KCNIP4: variants seen among roughly 807,000 people sequenced by gnomAD.
KCNIP4 encodes potassium voltage-gated channel interacting protein 4.
In KCNIP4, 12 loss-of-function variants were observed where a neutral mutation model predicts 34.0. The observed-to-expected ratio is 0.35, with a 90% confidence interval of 0.23 to 0.57. KCNIP4 has a LOEUF of 0.57. Ranked by LOEUF, KCNIP4 falls within the 20% of genes least tolerant of loss-of-function variation. The probability of loss-of-function intolerance (pLI) is 0.83; values close to 1 mark genes in which losing one functional copy is unlikely to be tolerated. For synonymous variants in KCNIP4, 124 were observed against 102.2 expected (o/e 1.21, Z -1.29); for missense variants, 238 against 311.7 (o/e 0.76, Z 1.78).
At chr4:21,324,824 C>T (rs1714870504) in intron 1 of KCNIP4, among the ~76,000 whole-genome samples, 1 of 151,652 alleles carries the variant, frequency 6.6e-6, no homozygotes, top group South Asian at 2.1e-4. Flanking sequence ...ATAGGAATTG[C>T]ATCAAATCCA....
chr4:20,897,518 C>G (rs1347527874), intron 1 of KCNIP4, among the ~76,000 whole-genome samples: 16 of 152,100 alleles, frequency 1.1e-4, no homozygotes, highest in African/African-American at 4.8e-5. Flanking sequence ...TCCCTCCCCC[C>G]GCCACCCACA....
intron 1 of KCNIP4, among the ~76,000 whole-genome samples, chr4:21,238,571 T>A (rs1219488245): frequency 6.6e-6 from 1 of 152,112 alleles, no homozygotes; most frequent in Non-Finnish European, 1.5e-5. Flanking sequence ...TCACAAGCAT[T>A]CTTATACACC....
chr4:21,282,402 A>G (rs1270650752), intron 1 of KCNIP4, among the ~76,000 whole-genome samples: 1 of 152,106 alleles, frequency 6.6e-6, no homozygotes. Flanking sequence ...CTCTTTGCCA[A>G]AAGAGAAATA....
At position 21,910,882 on chromosome 4, in the gene KCNIP4, G is replaced by A. The variant is rs79616838; in HGVS notation, c.61+37689C>T. ...AAGTGATTAGTATTTTTAAGGGGCCGAGGCCATTCATTTACTATGATTTAC... is the reference window on the plus strand; with the variant it reads ...AAGTGATTAGTATTTTTAAGGGGCCAAGGCCATTCATTTACTATGATTTAC... On this transcript the variant is annotated intron_variant, in intron 1 of 8. Coordinates refer to ENST00000382152, the MANE Select transcript of KCNIP4 (RefSeq NM_025221.6). 5.7e-3 allele frequency among the ~76,000 whole-genome samples: 872 copies of A among 152,196 alleles called. 15 individuals carry two copies. In the East Asian group the frequency reaches 0.085, roughly 15 times the overall value.
chr4:21,422,444 G>T (rs932821094), intron 1 of KCNIP4, among the ~76,000 whole-genome samples: 3 of 151,974 alleles, frequency 2.0e-5, no homozygotes, highest in Admixed American at 6.6e-5. Flanking sequence ...CACGTGATCT[G>T]CCCTCTTCGC....
chr4:21,579,190 T>C (rs1670089586), intron 1 of KCNIP4, among the ~76,000 whole-genome samples: 1 of 152,110 alleles, frequency 6.6e-6, no homozygotes, highest in South Asian at 2.1e-4. Context: ...TAAACCAAGG[T>C]CACATCAGCA....
Position 21,329,585 on chromosome 4 carries a change from C to T in KCNIP4, c.62-446876G>A, listed in dbSNP as rs562668619. Among the ~76,000 whole-genome samples the T allele has an allele frequency of 3.3e-5, 5 of 152,234 alleles. No homozygotes were observed. In the East Asian group the frequency reaches 7.7e-4, roughly 24 times the overall value. On this transcript the variant is annotated intron_variant, in intron 1 of 8. Transcript: ENST00000382152. ...AAAACATCATCAGCAGTACAGAGAA[C>T]GGTATATGGTGCTATGGAATTCAGA...
intron 1 of KCNIP4, among the ~76,000 whole-genome samples, chr4:21,647,863 CTTTTTTTTTTTTTTTTTT>C (rs10539950): frequency 1.7e-5 from 1 of 60,198 alleles, no homozygotes; most frequent in African/African-American, 9.8e-5. Context: ...TACAATGATG[CTTTTTTTTTTTTTTTTTT>C]TTTTTTTTTT....
intron 1 of KCNIP4, among the ~76,000 whole-genome samples, chr4:21,820,703 C>T (rs1470162054): frequency 6.6e-6 from 1 of 152,096 alleles, no homozygotes; most frequent in South Asian, 2.1e-4. Context: ...GATAATTTCA[C>T]ATTTGCATCA....
intron 1 of KCNIP4, among the ~76,000 whole-genome samples, chr4:21,501,564 CA>C (rs1157957730): frequency 6.6e-6 from 1 of 151,936 alleles, no homozygotes; most frequent in African/African-American, 2.4e-5. Flanking sequence ...GCGAGATGAA[CA>C]AAAAGGTTTT....
intron 5 of KCNIP4, among the ~76,000 whole-genome samples, chr4:20,743,454 G>A: frequency 6.6e-6 from 1 of 152,120 alleles, no homozygotes. Context: ...AGAGCCCTCG[G>A]AAATAATACC....
chr4:21,857,359 C>T (rs1184093578), intron 1 of KCNIP4, among the ~76,000 whole-genome samples: 1 of 152,002 alleles, frequency 6.6e-6, no homozygotes, highest in Non-Finnish European at 1.5e-5. Context: ...CTATGCATGC[C>T]AGGGTCTCCT....
intron 1 of KCNIP4, among the ~76,000 whole-genome samples, chr4:21,329,872 C>G (rs562009564): frequency 6.6e-6 from 1 of 152,150 alleles, no homozygotes; most frequent in Non-Finnish European, 1.5e-5. Context: ...ATAAAAACAA[C>G]CTAAAAATGT....
intron 1 of KCNIP4, among the ~76,000 whole-genome samples, chr4:20,939,763 G>A (rs760714662): frequency 6.6e-6 from 1 of 152,052 alleles, no homozygotes; most frequent in Non-Finnish European, 1.5e-5. Context: ...CACCCACACT[G>A]GAAGCATCTT....
At chr4:21,453,534 A>T (rs150770503) in intron 1 of KCNIP4, among the ~76,000 whole-genome samples, 1 of 152,024 alleles carries the variant, frequency 6.6e-6, no homozygotes, top group African/African-American at 2.4e-5. Context: ...AGGATGTGAA[A>T]CTTCCTGGAG....
At chr4:21,834,050 G>A (rs1723165643) in intron 1 of KCNIP4, among the ~76,000 whole-genome samples, 1 of 151,998 alleles carries the variant, frequency 6.6e-6, no homozygotes, top group South Asian at 2.1e-4. Context: ...TGTTCTTTTG[G>A]CTTAGGATTG....
intron 1 of KCNIP4, among the ~76,000 whole-genome samples, chr4:20,886,077 C>A (rs1349291294): frequency 2.0e-5 from 3 of 152,304 alleles, no homozygotes; most frequent in East Asian, 1.9e-4. Context: ...GTCTTCCCTA[C>A]TGAAATGGAA....
intron 1 of KCNIP4, chr4:21,843,919 A>G (rs996200741): frequency 6.6e-6 from 1 of 152,130 alleles, no homozygotes; most frequent in East Asian, 1.9e-4. Flanking sequence ...CAAACATTCA[A>G]GAGGTGCCTA....
rs571346576 is a variant in KCNIP4, at chr4:21,350,991, G to T, written c.62-468282C>A. On this transcript the variant is annotated intron_variant, in intron 1 of 8. Transcript: ENST00000382152. ...TACATCTGCATTATGCTTTATGGGT[G>T]ATTTAAAGGATTTTCAAATATTATT... 2.0e-5 allele frequency among the ~76,000 whole-genome samples: 3 copies of T among 152,234 alleles called. No individual in the cohort carries two copies. The East Asian group carries it at 5.8e-4, about 29-fold the overall frequency.
Sources: gnomAD v4.1 joint callset for allele counts (sites outside exome capture counted in the v4.1 genomes callset) on GRCh38, gnomAD v4.1.1 for gene constraint, MANE v1.5 for transcripts, NCBI Gene and HGNC (gene_info 2026-07-23, HGNC 2026-07-21) for gene names.